Variants in PKNOX2 observed in about 807,000 individuals in gnomAD.
The protein encoded by PKNOX2 is PBX/knotted 1 homeobox 2.
A neutral mutation model predicts 53.1 loss-of-function variants in PKNOX2; 14 were observed. That is an observed-to-expected ratio of 0.26 (90% confidence interval 0.17 to 0.41). PKNOX2 has a LOEUF of 0.41. Among genes scored for constraint, PKNOX2 ranks in the 10% least tolerant of loss-of-function variants. The pLI, the probability that PKNOX2 is intolerant of heterozygous loss-of-function variation, is 1.00. For synonymous variants in PKNOX2, 257 were observed against 242.8 expected (o/e 1.06, Z -0.54); for missense variants, 496 against 602.8 (o/e 0.82, Z 1.85).
At chr11:125,272,506 G>C (rs1389708931) in intron 2 of PKNOX2, among the ~76,000 whole-genome samples, 1 of 152,192 alleles carries the variant, frequency 6.6e-6, no homozygotes, top group African/African-American at 2.4e-5. Flanking sequence ...CCCAAGCTCA[G>C]ATCTTGATTT....
At chr11:125,274,743 C>T (rs1447467516) in intron 2 of PKNOX2, among the ~76,000 whole-genome samples, 2 of 152,118 alleles carry the variant, frequency 1.3e-5, no homozygotes, top group African/African-American at 4.8e-5. Context: ...ATTCTAGGAC[C>T]TTGGAAGGCT....
At chr11:125,336,684 A>C (rs1950445443) in intron 3 of PKNOX2, among the ~76,000 whole-genome samples, 1 of 147,692 alleles carries the variant, frequency 6.8e-6, no homozygotes, top group Non-Finnish European at 1.5e-5. Flanking sequence ...TATACTCTGT[A>C]GTATATTCTC....
At chr11:125,274,787 G>A (rs760606385) in intron 2 of PKNOX2, among the ~76,000 whole-genome samples, 5 of 152,202 alleles carry the variant, frequency 3.3e-5, no homozygotes, top group Non-Finnish European at 7.3e-5. Context: ...TGGAATAAAT[G>A]GGAACTCTTG....
chr11:125,223,828 A>G (rs1941438782), intron 1 of PKNOX2, among the ~76,000 whole-genome samples: 1 of 152,308 alleles, frequency 6.6e-6, no homozygotes, highest in Non-Finnish European at 1.5e-5. Context: ...TGGCTTAGAA[A>G]CGATGACATT....
chr11:125,376,462 C>T (rs1952848187), intron 5 of PKNOX2, among the ~76,000 whole-genome samples: 1 of 152,122 alleles, frequency 6.6e-6, no homozygotes, highest in Non-Finnish European at 1.5e-5. Flanking sequence ...CCTCCCTACT[C>T]CCTCCCCTCC....
chr11:125,190,910 A>T (rs112241083), intron 1 of PKNOX2: 15 of 152,118 alleles, frequency 9.9e-5, no homozygotes, highest in African/African-American at 3.6e-4. Flanking sequence ...GACTTTTCAT[A>T]TATTGTTTCT....
At chr11:125,282,874 G>A (rs554015997) in intron 2 of PKNOX2, among the ~76,000 whole-genome samples, 16 of 152,324 alleles carry the variant, frequency 1.1e-4, no homozygotes, top group South Asian at 6.2e-4. Context: ...ATAGCCAGCC[G>A]GGCATGCTGG....
At chr11:125,317,664 G>T (rs1198004013) in intron 2 of PKNOX2, among the ~76,000 whole-genome samples, 7 of 152,200 alleles carry the variant, frequency 4.6e-5, no homozygotes, top group Admixed American at 4.6e-4. Context: ...AAACCATGTG[G>T]TAAACAGATG....
intron 3 of PKNOX2, 82 bp from the exon 4 acceptor site, chr11:125,351,202 G>A (rs1591538292): frequency 1.4e-6 from 1 of 735,734 alleles, no homozygotes; most frequent in Non-Finnish European, 2.5e-6. Flanking sequence ...TGGCCCAGCG[G>A]GGGACACAGG....
At chr11:125,235,969 T>A (rs916522176) in intron 2 of PKNOX2, among the ~76,000 whole-genome samples, 1 of 152,196 alleles carries the variant, frequency 6.6e-6, no homozygotes, top group African/African-American at 2.4e-5. Flanking sequence ...AGGCATAGTT[T>A]CCCCACGCTG....
chr11:125,379,960 AT>A (rs1055964756), intron 5 of PKNOX2, among the ~76,000 whole-genome samples: 9 of 108,912 alleles, frequency 8.3e-5, no homozygotes, highest in African/African-American at 3.2e-4. Context: ...CTTAAGTTTG[AT>A]TTTAGTTCAG....
chr11:125,265,638 G>A (rs893223146), intron 2 of PKNOX2, among the ~76,000 whole-genome samples: 1 of 152,178 alleles, frequency 6.6e-6, no homozygotes, highest in African/African-American at 2.4e-5. Flanking sequence ...ACAGAGGCAG[G>A]GGCAGTGCGG....
intron 2 of PKNOX2, among the ~76,000 whole-genome samples, chr11:125,248,535 C>T (rs1943731053): frequency 6.6e-6 from 1 of 151,574 alleles, no homozygotes; most frequent in Admixed American, 6.6e-5. Context: ...TTTTATAAGA[C>T]ACATCATATA....
chr11:125,295,862 G>A (rs1440976152), intron 2 of PKNOX2, among the ~76,000 whole-genome samples: 9 of 152,076 alleles, frequency 5.9e-5, no homozygotes, highest in Non-Finnish European at 1.2e-4. Flanking sequence ...CTTCTGTACC[G>A]CCGGTAGCTC....
At chr11:125,364,666 C>T (rs1218516693) in intron 4 of PKNOX2, among the ~76,000 whole-genome samples, 1 of 152,220 alleles carries the variant, frequency 6.6e-6, no homozygotes, top group Non-Finnish European at 1.5e-5. Context: ...TGCTTTATGG[C>T]AGAAGTACAT....
rs1193117492 is a variant in PKNOX2, at chr11:125,431,163, C to T, written c.1193-3C>T. On this transcript the variant is annotated splice_polypyrimidine_tract_variant and splice_region_variant and intron_variant, in intron 12 of 12. Transcript: ENST00000298282. ...TCGTCCTGACCCTTGCTTTCTCTCG[C>T]AGGTTCCATCAACTTGGACAACCTG... 6.2e-6 allele frequency: 10 copies of T among 1,613,100 alleles called. No homozygotes were observed. The highest frequency in any genetic ancestry group is 8.5e-6 in the Non-Finnish European group (10 of 1,179,662).
chr11:125,356,133 T>C (rs1951601229), intron 4 of PKNOX2, among the ~76,000 whole-genome samples: 1 of 151,782 alleles, frequency 6.6e-6, no homozygotes, highest in Admixed American at 6.6e-5. Flanking sequence ...ATCTGGTCTA[T>C]TTGAGTATGT....
chr11:125,351,827 T>A (rs1268455315), intron 4 of PKNOX2, among the ~76,000 whole-genome samples: 1 of 152,128 alleles, frequency 6.6e-6, no homozygotes, highest in Non-Finnish European at 1.5e-5. Context: ...CTCGGGTCAC[T>A]TGGGCCCTTT....
chr11:125,318,320 C>T (rs1169247628), intron 2 of PKNOX2, among the ~76,000 whole-genome samples: 1 of 149,476 alleles, frequency 6.7e-6, no homozygotes, highest in African/African-American at 2.5e-5. Flanking sequence ...GAGGTTTTAC[C>T]ATGTTGCCCA....
Sources: gnomAD v4.1 joint callset for allele counts (sites outside exome capture counted in the v4.1 genomes callset) on GRCh38, gnomAD v4.1.1 for gene constraint, MANE v1.5 for transcripts, NCBI Gene and HGNC (gene_info 2026-07-23, HGNC 2026-07-21) for gene names.